FRMD4A: variants seen among roughly 807,000 people sequenced by gnomAD.
FRMD4A encodes FERM domain-containing protein 4A.
FRMD4A carries 29 observed loss-of-function variants against 129.1 expected under a neutral mutation model. The ratio of observed to expected loss-of-function variants is 0.22; its 90% confidence interval spans 0.17 to 0.31. The LOEUF is 0.31. FRMD4A is among the 10% of genes least tolerant of loss of function. The pLI, the probability that FRMD4A is intolerant of heterozygous loss-of-function variation, is 1.00. For synonymous variants in FRMD4A, 634 were observed against 571.6 expected (o/e 1.11, Z -1.56); for missense variants, 1,272 against 1,375.8 (o/e 0.92, Z 1.19).
chr10:13,656,557 C>A (rs1208033677), intron 22 of FRMD4A, 79 bp downstream of exon 22: 23 of 1,304,084 alleles, frequency 1.8e-5, no homozygotes, highest in Non-Finnish European at 2.2e-5. Context: ...CTAAGGGTAC[C>A]TTCCCCGCGG....
intron 8 of FRMD4A, among the ~76,000 whole-genome samples, chr10:13,759,050 G>A (rs1214237417): frequency 6.6e-6 from 1 of 152,254 alleles, no homozygotes; most frequent in African/African-American, 2.4e-5. Context: ...GACCTCTGAA[G>A]ATGGCTTTAC....
chr10:13,890,593 C>T (rs1289438965), intron 2 of FRMD4A: 2 of 985,156 alleles, frequency 2.0e-6, no homozygotes, highest in Non-Finnish European at 2.4e-6. Flanking sequence ...AGAAATGTGC[C>T]TGTCTAGGTT....
chr10:13,897,229 G>A (rs949916309), intron 2 of FRMD4A, among the ~76,000 whole-genome samples: 7 of 152,208 alleles, frequency 4.6e-5, no homozygotes, highest in African/African-American at 1.4e-4. Flanking sequence ...CATGGCAGCC[G>A]GGTTTATGGG....
At chr10:13,686,220 G>A (rs1328949852) in intron 15 of FRMD4A, among the ~76,000 whole-genome samples, 1 of 152,262 alleles carries the variant, frequency 6.6e-6, no homozygotes, top group Non-Finnish European at 1.5e-5. Flanking sequence ...GGTAATGGAG[G>A]ACTTTAAAAG....
intron 8 of FRMD4A, among the ~76,000 whole-genome samples, chr10:13,758,219 A>T (rs2091937888): frequency 1.3e-5 from 2 of 152,182 alleles, no homozygotes; most frequent in Non-Finnish European, 2.9e-5. Context: ...GAAGTTTTAG[A>T]TTCAGGACCT....
chr10:14,049,427 G>T (rs1411591927), intron 2 of FRMD4A, among the ~76,000 whole-genome samples: 1 of 152,154 alleles, frequency 6.6e-6, no homozygotes, highest in Non-Finnish European at 1.5e-5. Context: ...ACCAGAGGTG[G>T]ACTCCGACCT....
intron 3 of FRMD4A, among the ~76,000 whole-genome samples, chr10:13,825,486 C>A (rs2093688658): frequency 6.6e-6 from 1 of 152,192 alleles, no homozygotes; most frequent in South Asian, 2.1e-4. Context: ...TGCGAGGGAT[C>A]TAGGTTGTAT....
intron 2 of FRMD4A, among the ~76,000 whole-genome samples, chr10:14,150,130 T>A (rs1840269512): frequency 6.6e-6 from 1 of 152,032 alleles, no homozygotes; most frequent in South Asian, 2.1e-4. Context: ...GGGAAATCCA[T>A]CCCCATGATC....
chr10:13,858,994 C>T (rs999852021), intron 2 of FRMD4A, 82 bp from the exon 3 acceptor site: 1 of 838,092 alleles, frequency 1.2e-6, no homozygotes, highest in Non-Finnish European at 2.1e-6. Flanking sequence ...TGCACTCTGC[C>T]AGGCATATTC....
intron 6 of FRMD4A, among the ~76,000 whole-genome samples, chr10:13,775,843 A>G (rs2092584141): frequency 6.6e-6 from 1 of 152,178 alleles, no homozygotes; most frequent in Admixed American, 6.5e-5. Context: ...ATATTGGTAG[A>G]CATCTGAGAA....
At chr10:13,727,904 A>G (rs188431217) in intron 12 of FRMD4A, 13 of 149,262 alleles carry the variant, frequency 8.7e-5, no homozygotes, top group African/African-American at 2.9e-4. Flanking sequence ...CTCGAACACT[A>G]TTGCTGTAGC....
intron 2 of FRMD4A, among the ~76,000 whole-genome samples, chr10:13,969,173 T>G (rs1424642383): frequency 6.6e-6 from 1 of 152,216 alleles, no homozygotes; most frequent in Admixed American, 6.5e-5. Flanking sequence ...TAACCAGTCC[T>G]TGTTCACTGA....
intron 2 of FRMD4A, among the ~76,000 whole-genome samples, chr10:13,878,919 A>G (rs1274251403): frequency 1.3e-5 from 2 of 152,216 alleles, no homozygotes; most frequent in African/African-American, 4.8e-5. Context: ...CAGGACAGAC[A>G]GATGAGGCAG....
chr10:13,995,989 C>G (rs2095621248), intron 2 of FRMD4A, among the ~76,000 whole-genome samples: 2 of 152,146 alleles, frequency 1.3e-5, no homozygotes, highest in South Asian at 4.1e-4. Context: ...GGGGAGCTTA[C>G]AAACAACAGA....
chr10:13,649,060 A>G (rs773444050), intron 24 of FRMD4A, among the ~76,000 whole-genome samples: 1 of 152,222 alleles, frequency 6.6e-6, no homozygotes, highest in Non-Finnish European at 1.5e-5. Flanking sequence ...GAACAGTATC[A>G]CCTATTAACA....
chr10:14,030,737 G>T (rs891032450), intron 2 of FRMD4A, among the ~76,000 whole-genome samples: 15 of 152,226 alleles, frequency 9.9e-5, no homozygotes, highest in Non-Finnish European at 2.1e-4. Flanking sequence ...TCAGGCAGTG[G>T]TTCTCAGAAG....
chr10:13,738,769 T>C (rs927496774), intron 11 of FRMD4A, among the ~76,000 whole-genome samples: 2 of 152,150 alleles, frequency 1.3e-5, no homozygotes, highest in Non-Finnish European at 2.9e-5. Flanking sequence ...TACAGGCACG[T>C]GCCACCACGT....
At chr10:13,906,422 C>A (rs113764019) in intron 2 of FRMD4A, among the ~76,000 whole-genome samples, 5 of 152,312 alleles carry the variant, frequency 3.3e-5, no homozygotes, top group African/African-American at 1.2e-4. Context: ...CTAATGAGTT[C>A]TAACCTTTTC....
chr10:14,014,827 TTCCTCC>T (rs2095693060), intron 2 of FRMD4A, among the ~76,000 whole-genome samples: 1 of 152,222 alleles, frequency 6.6e-6, no homozygotes, highest in South Asian at 2.1e-4. Flanking sequence ...GGACAGACTT[TTCCTCC>T]TCCTGTGCCA....
Sources: allele counts gnomAD v4.1 joint callset (sites outside exome capture counted in the v4.1 genomes callset), GRCh38; gene constraint gnomAD v4.1.1; transcripts MANE v1.5; gene names NCBI Gene and HGNC (gene_info 2026-07-23, HGNC 2026-07-21).